ENOX1: variants seen among roughly 807,000 people sequenced by gnomAD.
ENOX1 encodes candidate growth-related and time keeping constitutive hydroquinone (NADH) oxidase.
ENOX1 carries 42 observed loss-of-function variants against 82.5 expected under a neutral mutation model. That is an observed-to-expected ratio of 0.51 (90% CI 0.40 to 0.66). The LOEUF (loss-of-function observed/expected upper bound fraction) is 0.66, where lower values mean the gene tolerates loss of function less well. Among genes scored for constraint, ENOX1 ranks in the 30% least tolerant of loss-of-function variants. ENOX1 has a pLI of 0.00. For missense variants in ENOX1, 608 were observed against 811.6 expected, an observed-to-expected ratio of 0.75 and a Z score of 3.05; for synonymous variants, 271 against 282.2, an observed-to-expected ratio of 0.96 and a Z score of 0.40.
At chr13:43,320,350 C>T (rs2047735796) in intron 11 of ENOX1, among the ~76,000 whole-genome samples, 1 of 152,196 alleles carries the variant, frequency 6.6e-6, no homozygotes, top group Non-Finnish European at 1.5e-5. Flanking sequence ...ATGCCCTGCA[C>T]TTTGCTCATT....
chr13:43,539,049 C>T (rs2078595628), intron 2 of ENOX1, among the ~76,000 whole-genome samples: 1 of 152,154 alleles, frequency 6.6e-6, no homozygotes, highest in South Asian at 2.1e-4. Context: ...TCTTGAACTC[C>T]TGGCCTCAAG....
At chr13:43,298,698 A>G (rs61024431) in intron 11 of ENOX1, among the ~76,000 whole-genome samples, 168 bp from the exon 12 acceptor site, 1,969 of 152,270 alleles carry the variant, frequency 0.013, 50 homozygotes, top group African/African-American at 0.045. Context: ...GGTATGCATC[A>G]CTTCTCTCGG....
chr13:43,445,480 T>C (rs1463545629), intron 3 of ENOX1, among the ~76,000 whole-genome samples: 1 of 151,948 alleles, frequency 6.6e-6, no homozygotes, highest in East Asian at 1.9e-4. Context: ...ATAACAACAA[T>C]GTCCCATCTA....
At chr13:43,520,633 A>AT (rs2077728250) in intron 2 of ENOX1, among the ~76,000 whole-genome samples, 1 of 151,944 alleles carries the variant, frequency 6.6e-6, no homozygotes, top group Non-Finnish European at 1.5e-5. Context: ...CCATGCAGAC[A>AT]GAGGATTAGG....
intron 16 of ENOX1, among the ~76,000 whole-genome samples, chr13:43,223,767 T>C (rs1255925691): frequency 1.3e-5 from 2 of 152,208 alleles, no homozygotes; most frequent in East Asian, 3.8e-4. Flanking sequence ...TTGGGAACTT[T>C]CAGGTGAACC....
chr13:43,415,663 T>C (rs1033878746), intron 3 of ENOX1, among the ~76,000 whole-genome samples: 2 of 152,056 alleles, frequency 1.3e-5, no homozygotes, highest in Non-Finnish European at 2.9e-5. Context: ...ACAGACATAG[T>C]AACAATCTGA....
chr13:43,700,500 A>G (rs973074843), intron 1 of ENOX1, among the ~76,000 whole-genome samples: 2 of 152,148 alleles, frequency 1.3e-5, no homozygotes, highest in Admixed American at 1.3e-4. Flanking sequence ...TTATTCTGAA[A>G]CAATTATCAA....
At chr13:43,470,408 A>ATGTG (rs1555290248) in intron 3 of ENOX1, among the ~76,000 whole-genome samples, 1 of 129,728 alleles carries the variant, frequency 7.7e-6, no homozygotes, top group Non-Finnish European at 1.6e-5. Context: ...GTGTATATAT[A>ATGTG]TATATATATA....
chr13:43,548,776 A>T (rs559330071), intron 2 of ENOX1, among the ~76,000 whole-genome samples: 1 of 152,262 alleles, frequency 6.6e-6, no homozygotes, highest in South Asian at 2.1e-4. Flanking sequence ...GCAGGAAAGG[A>T]ATACAGGCTG....
chr13:43,259,874 G>A (rs1375065938), intron 14 of ENOX1, among the ~76,000 whole-genome samples: 1 of 152,130 alleles, frequency 6.6e-6, no homozygotes, highest in East Asian at 1.9e-4. Context: ...GTTCAAGATC[G>A]GGGCCCCTAA....
At chr13:43,466,473 T>C (rs901335445) in intron 3 of ENOX1, among the ~76,000 whole-genome samples, 5 of 152,108 alleles carry the variant, frequency 3.3e-5, no homozygotes, top group African/African-American at 4.8e-5. Context: ...AAATGGGAAG[T>C]CTGAGTCATT....
At chr13:43,264,573 G>T (rs527672204) in intron 14 of ENOX1, among the ~76,000 whole-genome samples, 1 of 152,264 alleles carries the variant, frequency 6.6e-6, no homozygotes, top group African/African-American at 2.4e-5. Context: ...GAGTGAACAA[G>T]AAATATATAA....
chr13:43,649,891 G>A (rs1222257022), intron 2 of ENOX1, among the ~76,000 whole-genome samples: 2 of 152,048 alleles, frequency 1.3e-5, no homozygotes, highest in African/African-American at 4.8e-5. Flanking sequence ...GCTTTTCCTG[G>A]GATCCCCTCC....
chr13:43,717,430 A>G (rs2088226948), intron 1 of ENOX1, among the ~76,000 whole-genome samples: 1 of 152,254 alleles, frequency 6.6e-6, no homozygotes, highest in Non-Finnish European at 1.5e-5. Flanking sequence ...ACCTCAAATT[A>G]TAAAATTCCT....
intron 1 of ENOX1, among the ~76,000 whole-genome samples, chr13:43,761,847 A>C (rs567230847): frequency 1.3e-5 from 2 of 152,342 alleles, no homozygotes; most frequent in East Asian, 1.9e-4. Flanking sequence ...GCTGTAGAAC[A>C]GGAAGAGAAA....
intron 1 of ENOX1, among the ~76,000 whole-genome samples, chr13:43,768,712 A>G (rs942922187): frequency 1.3e-5 from 2 of 152,174 alleles, no homozygotes; most frequent in Non-Finnish European, 2.9e-5. Flanking sequence ...ACACCATATT[A>G]CTTTATCTCA....
At chr13:43,414,862 C>A (rs2054348733) in intron 3 of ENOX1, among the ~76,000 whole-genome samples, 2 of 152,190 alleles carry the variant, frequency 1.3e-5, no homozygotes, top group African/African-American at 4.8e-5. Flanking sequence ...CATCCCTCTA[C>A]TTTGTAGGCT....
rs181452514 is a variant in ENOX1 at position 43,590,843 on chromosome 13, G to C, written c.-219+76636C>G. Among the ~76,000 whole-genome samples the C allele has an allele frequency of 2.0e-5, 3 of 150,512 alleles. No individual in the cohort carries two copies. The East Asian group carries it at 5.8e-4, about 29-fold the overall frequency. On this transcript the variant is annotated intron_variant, in intron 2 of 16. Transcript: ENST00000690772. Reference sequence around the variant, plus strand: ...TAAAGACAACCCAACAGAGAAATGCGCAAATGTCAGAAATAGGTATTTCAA... The same window carrying C: ...TAAAGACAACCCAACAGAGAAATGCCCAAATGTCAGAAATAGGTATTTCAA...
chr13:43,542,355 A>G (rs2078773160), intron 2 of ENOX1, among the ~76,000 whole-genome samples: 1 of 149,882 alleles, frequency 6.7e-6, no homozygotes, highest in Non-Finnish European at 1.5e-5. Context: ...GATGTTCTCC[A>G]TCTCCTGACC....
Sources: gnomAD v4.1 joint callset for allele counts (sites outside exome capture counted in the v4.1 genomes callset) on GRCh38, gnomAD v4.1.1 for gene constraint, MANE v1.5 for transcripts, NCBI Gene and HGNC (gene_info 2026-07-23, HGNC 2026-07-21) for gene names.